The following CHSY1 variants were observed in gnomAD, a reference collection of about 807,000 sequenced individuals.
CHSY1 encodes N-acetylgalactosaminyl-proteoglycan 3-beta-glucuronosyltransferase 1.
A neutral mutation model predicts 59.8 loss-of-function variants in CHSY1; 13 were observed. The ratio of observed to expected loss-of-function variants is 0.22; its 90% CI spans 0.14 to 0.35. The LOEUF (loss-of-function observed/expected upper bound fraction) is 0.35. CHSY1 is among the 10% of genes least tolerant of loss of function. The pLI is 1.00. For synonymous variants in CHSY1, 459 were observed against 401.2 expected (o/e 1.14, Z -1.72); for missense variants, 947 against 1,030.6 (o/e 0.92, Z 1.11).
intron 1 of CHSY1, among the ~76,000 whole-genome samples, chr15:101,245,594 A>G (rs754171277): frequency 4.1e-4 from 62 of 152,216 alleles, no homozygotes; most frequent in Admixed American, 2.6e-4. Flanking sequence ...AGACAGGGGA[A>G]CGTGAAGCTG....
intron 2 of CHSY1, among the ~76,000 whole-genome samples, chr15:101,194,277 G>A (rs926322819): frequency 5.3e-5 from 8 of 152,190 alleles, no homozygotes; most frequent in Non-Finnish European, 8.8e-5. Flanking sequence ...AAATTTCATT[G>A]GAGGTAAACC....
At chr15:101,231,710 G>A (rs895355227) in intron 2 of CHSY1, among the ~76,000 whole-genome samples, 20 of 152,298 alleles carry the variant, frequency 1.3e-4, no homozygotes, top group African/African-American at 3.1e-4. Flanking sequence ...TTTTCCATAC[G>A]TACAGTACAC....
intron 2 of CHSY1, among the ~76,000 whole-genome samples, chr15:101,222,232 C>T (rs924709818): frequency 6.6e-6 from 1 of 152,326 alleles, no homozygotes; most frequent in East Asian, 1.9e-4. Context: ...ATCTAGTCTT[C>T]TATTGCTTTG....
chr15:101,226,343 C>T (rs2038841461), intron 2 of CHSY1, among the ~76,000 whole-genome samples: 1 of 152,182 alleles, frequency 6.6e-6, no homozygotes, highest in South Asian at 2.1e-4. Context: ...TGCATCAACT[C>T]AATTTATCCT....
Position 101,226,034 on chromosome 15 carries a change from C to G in CHSY1, c.816+9048G>C, listed in dbSNP as rs558476311. Among the ~76,000 whole-genome samples, 23 of 152,300 alleles carry G rather than the reference C, an allele frequency of 1.5e-4. No homozygotes were observed. In the South Asian group the frequency reaches 4.8e-3, roughly 32 times the overall value. On this transcript the variant is annotated intron_variant, in intron 2 of 2. Transcript: ENST00000254190. ...ACCTGGAGAAGGTTTGTTTTGCCAA[C>G]AAAATAATCACAGATCCAAAGCAAC...
Position 101,236,686 on chromosome 15 carries a change from G to A in CHSY1, c.321-1109C>T, listed in dbSNP as rs560399082. On this transcript the variant is annotated intron_variant, in intron 1 of 2. Transcript: ENST00000254190. ...AATACAAAAACAAAATTAGCCGTGCGTGCTGGCGGGCGCCTGTAGTCCCAG... is the reference window on the plus strand; with the variant it reads ...AATACAAAAACAAAATTAGCCGTGCATGCTGGCGGGCGCCTGTAGTCCCAG... 5.3e-5 allele frequency among the ~76,000 whole-genome samples: 8 copies of A among 152,008 alleles called. No homozygotes were observed. In the South Asian group the frequency reaches 6.2e-4, roughly 12 times the overall value.
At chr15:101,187,918 G>T in intron 2 of CHSY1, 2 of 524,394 alleles carry the variant, frequency 3.8e-6, no homozygotes, top group Non-Finnish European at 4.9e-6. Flanking sequence ...CCAAGGTCAC[G>T]CTATTCCCAG....
chr15:101,213,747 A>G (rs1313466030), intron 2 of CHSY1, among the ~76,000 whole-genome samples: 2 of 152,218 alleles, frequency 1.3e-5, no homozygotes, highest in African/African-American at 4.8e-5. Flanking sequence ...GATTAATCAC[A>G]CCTTGAAGCA....
At chr15:101,195,957 GGACATACAA>G (rs2038502183) in intron 2 of CHSY1, among the ~76,000 whole-genome samples, 1 of 151,756 alleles carries the variant, frequency 6.6e-6, no homozygotes, top group Non-Finnish European at 1.5e-5. Flanking sequence ...TATTAAAAAT[GGACATACAA>G]GACCAGGAGC....
At position 101,178,452 on chromosome 15, in the gene CHSY1, GGATGTACTCA is replaced by G. The variant is rs1476081353; in HGVS notation, c.1335_1344del (p.Glu446TrpfsTer15). On this transcript the variant is annotated frameshift_variant, in exon 3 of 3. Coordinates refer to ENST00000254190, the MANE Select transcript of CHSY1 (RefSeq NM_014918.5). LOFTEE classifies it high-confidence loss of function. ...TTTTTGTACAGAAGCAGCAGGTCCA[GGATGTACTCA>G]GCCCCATACATGGGGTTCACCCGGC... is the stretch of plus-strand genomic sequence containing the variant. The G allele has an allele frequency of 6.2e-7, 1 of 1,614,100 alleles. No homozygotes were observed. The highest frequency in any genetic ancestry group is 8.5e-7 in the Non-Finnish European group (1 of 1,180,044).
At chr15:101,247,824 A>G (rs1489161048) in intron 1 of CHSY1, among the ~76,000 whole-genome samples, 1 of 152,238 alleles carries the variant, frequency 6.6e-6, no homozygotes, top group Non-Finnish European at 1.5e-5. Flanking sequence ...ATGTTCTATC[A>G]TCAAAGTGCT....
chr15:101,240,484 G>A (rs933831383), intron 1 of CHSY1, among the ~76,000 whole-genome samples: 1 of 152,222 alleles, frequency 6.6e-6, no homozygotes, highest in Non-Finnish European at 1.5e-5. Context: ...CAGAGGCCTT[G>A]CCAGAAAAAG....
At position 101,230,003 on chromosome 15, in the gene CHSY1, G is replaced by A. The variant is rs541749276; in HGVS notation, c.816+5079C>T. Among the ~76,000 whole-genome samples, 6 of 150,894 alleles carry A rather than the reference G, an allele frequency of 4.0e-5. No individual in the cohort carries two copies. In the East Asian group the frequency reaches 5.9e-4, roughly 15 times the overall value. On this transcript the variant is annotated intron_variant, in intron 2 of 2. Transcript: ENST00000254190. ...TTTGCCCAGGCTGGAGTGAAGTGGC[G>A]TGATCTCGGCTCACTTCAACCTCTG...
intron 2 of CHSY1, chr15:101,187,951 TA>T: frequency 1.1e-6 from 1 of 877,192 alleles, no homozygotes; most frequent in Non-Finnish European, 1.4e-6. Context: ...CAGCTGGGAA[TA>T]ACCATCAACT....
Position 101,251,353 on chromosome 15 carries a change from T to C in CHSY1, c.104A>G (p.Lys35Arg). The change falls in exon 1 of 3, where the codon AAG becomes AGG. Residue 35 changes from lysine (K) to arginine (R), a missense_variant. Transcript: ENST00000254190. ...RLVLPRASEL[K>R]RAGPRRRASP... ...GGCGCGGCGCCGTGGGCCCGCTCGCTTCAGCTCGGAAGCCCGGGGCAGGAC... is the reference window on the plus strand; with the variant it reads ...GGCGCGGCGCCGTGGGCCCGCTCGCCTCAGCTCGGAAGCCCGGGGCAGGAC... The C allele has an allele frequency of 8.7e-7, 1 of 1,155,224 alleles. No individual in the cohort carries two copies. The highest frequency in any genetic ancestry group is 1.7e-5 in the South Asian group (1 of 57,440). 71.6% of individuals were successfully genotyped at this position (1,155,224 alleles called of 1,614,324 possible).
At position 101,251,491 on chromosome 15, in the gene CHSY1, A is replaced by C. The variant is rs867466371; in HGVS notation, c.-35T>G. 1,875 of 49,936 alleles carry C rather than the reference A, an allele frequency of 0.038. 60 individuals carry two copies. Among genetic ancestry groups the C allele is most frequent in the African/African-American group, 0.18 (451 of 2,550 alleles). The allele number at this position is 49,936 out of a possible 1,614,324, so 3.1% of individuals were successfully genotyped here. A position where few individuals can be genotyped will look rare whatever the true frequency, so the allele number is the denominator to read the frequency against. Reference sequence around the variant, plus strand: ...GCTCCGCCCGCCGGGCCGCCGCCGCAGGCTCCGCGCGCCCTCAGCCCGCTG... The same window carrying C: ...GCTCCGCCCGCCGGGCCGCCGCCGCCGGCTCCGCGCGCCCTCAGCCCGCTG... On this transcript the variant is annotated 5_prime_UTR_variant, in exon 1 of 3. Coordinates refer to ENST00000254190, the MANE Select transcript of CHSY1 (RefSeq NM_014918.5).
At chr15:101,250,867 TA>T (rs2039101111) in intron 1 of CHSY1, among the ~76,000 whole-genome samples, 2 of 152,206 alleles carry the variant, frequency 1.3e-5, no homozygotes, top group Non-Finnish European at 2.9e-5. Context: ...TTGCAAAGGC[TA>T]AAGTGCCTTC....
intron 2 of CHSY1, among the ~76,000 whole-genome samples, chr15:101,218,490 G>T (rs1051981505): frequency 6.6e-6 from 1 of 152,186 alleles, no homozygotes; most frequent in African/African-American, 2.4e-5. Context: ...CCAGCTACTA[G>T]GGAGGCTGAG....
At chr15:101,239,694 G>A (rs867356611) in intron 1 of CHSY1, among the ~76,000 whole-genome samples, 7 of 145,024 alleles carry the variant, frequency 4.8e-5, no homozygotes, top group African/African-American at 1.9e-4. Context: ...CGGAGCAAAG[G>A]TAATGTGGAA....
Sources: allele counts gnomAD v4.1 joint callset (sites outside exome capture counted in the v4.1 genomes callset), GRCh38; gene constraint gnomAD v4.1.1; transcripts MANE v1.5; gene names NCBI Gene and HGNC (gene_info 2026-07-23, HGNC 2026-07-21).